ADAMTS18: variants seen among roughly 807,000 people sequenced by gnomAD.
The protein encoded by ADAMTS18 is ADAM metallopeptidase with thrombospondin type 1 motif 18.
ADAMTS18 carries 157 observed loss-of-function variants against 165.9 expected under a neutral mutation model. The ratio of observed to expected loss-of-function variants is 0.95; its 90% CI spans 0.83 to 1.08. The LOEUF (loss-of-function observed/expected upper bound fraction) is 1.08, where lower values mean the gene tolerates loss of function less well. Among genes scored for constraint, ADAMTS18 ranks in the 50% least tolerant of loss-of-function variants. The pLI, the probability that ADAMTS18 is intolerant of heterozygous loss-of-function variation, is 0.00. For synonymous variants in ADAMTS18, 782 were observed against 578.2 expected (o/e 1.35, Z -5.06); for missense variants, 2,040 against 1,534.0 (o/e 1.33, Z -5.51).
rs2044486904 is a variant in ADAMTS18 at position 77,321,085 on chromosome 16, C to T, written c.2281G>A (p.Ala761Thr). Residue 761 changes from alanine (A) to threonine (T), a missense_variant, in exon 15 of 23, where the codon GCA becomes ACA. Coordinates refer to ENST00000282849, the MANE Select transcript of ADAMTS18 (RefSeq NM_199355.4). ...AAACAGCAGCATCTCTCACCATTTG[C>T]TTTATGCTGGTTGAGGTACAGGCCT... ...YKGLYLNQHK[A>T]NEYYPVVLIP... is the part of the protein sequence containing the mutation. 6.2e-7 allele frequency: 1 copy of T among 1,614,174 alleles called. No individual in the cohort carries two copies. The highest frequency in any genetic ancestry group is 2.2e-5 in the East Asian group (1 of 44,872).
Position 77,434,961 on chromosome 16 carries a change from G to C in ADAMTS18, c.-266C>G, listed in dbSNP as rs2057779660. On this transcript the variant is annotated 5_prime_UTR_variant, in exon 1 of 23. Transcript: ENST00000282849. ...CGGGGGGCTCCCTGGGCCGGGACTGGAGCGCAAACGGTTGGGAGACTGTCG... is the reference window on the plus strand; with the variant it reads ...CGGGGGGCTCCCTGGGCCGGGACTGCAGCGCAAACGGTTGGGAGACTGTCG... 2 of 330,354 alleles carry C rather than the reference G, an allele frequency of 6.1e-6. No individual in the cohort carries two copies. Among genetic ancestry groups the C allele is most frequent in the Non-Finnish European group, 5.4e-6 (1 of 183,660 alleles). The allele number at this position is 330,354 out of a possible 1,614,324, so 20.5% of individuals were successfully genotyped here.
At chr16:77,343,289 G>C (rs771079199) in intron 10 of ADAMTS18, among the ~76,000 whole-genome samples, 4 of 152,160 alleles carry the variant, frequency 2.6e-5, no homozygotes, top group Non-Finnish European at 5.9e-5. Flanking sequence ...GGCCAGGCTG[G>C]TCTCGAACTC....
chr16:77,362,038 C>G, intron 7 of ADAMTS18, 67 bp downstream of exon 7: 31 of 1,546,886 alleles, frequency 2.0e-5, no homozygotes, highest in Non-Finnish European at 2.7e-5. Flanking sequence ...TATCCATCAT[C>G]CATAGAAAGT....
intron 17 of ADAMTS18, among the ~76,000 whole-genome samples, chr16:77,298,454 G>A (rs2055517579): frequency 6.6e-6 from 1 of 152,144 alleles, no homozygotes; most frequent in Non-Finnish European, 1.5e-5. Flanking sequence ...AGTTAGTCCA[G>A]CTCCTGGGGC....
intron 13 of ADAMTS18, among the ~76,000 whole-genome samples, chr16:77,325,421 G>A (rs776704665): frequency 8.6e-5 from 13 of 152,008 alleles, no homozygotes; most frequent in East Asian, 1.9e-4. Flanking sequence ...GTGTGTCTGC[G>A]TGCATGCACA....
intron 3 of ADAMTS18, among the ~76,000 whole-genome samples, chr16:77,408,566 A>T (rs1217496292): frequency 1.3e-5 from 2 of 152,174 alleles, no homozygotes; most frequent in Admixed American, 6.5e-5. Flanking sequence ...TATTATGAAC[A>T]TACTGTTGAG....
intron 3 of ADAMTS18, among the ~76,000 whole-genome samples, chr16:77,385,559 G>T (rs1010237352): frequency 1.3e-5 from 2 of 152,178 alleles, no homozygotes; most frequent in Non-Finnish European, 2.9e-5. Flanking sequence ...GTGGTAATGG[G>T]TTATGTCAAG....
intron 18 of ADAMTS18, among the ~76,000 whole-genome samples, chr16:77,296,144 T>A (rs2055467411): frequency 6.6e-6 from 1 of 152,158 alleles, no homozygotes; most frequent in South Asian, 2.1e-4. Context: ...GCAACACTGC[T>A]TTAGAAGAAA....
At chr16:77,357,384 G>C (rs574057161) in intron 8 of ADAMTS18, among the ~76,000 whole-genome samples, 1 of 152,206 alleles carries the variant, frequency 6.6e-6, no homozygotes, top group Non-Finnish European at 1.5e-5. Context: ...ATTGACTAAC[G>C]TCAATGTATA....
intron 11 of ADAMTS18, among the ~76,000 whole-genome samples, 158 bp downstream of exon 11, chr16:77,341,546 T>C (rs1239480378): frequency 6.6e-6 from 1 of 152,190 alleles, no homozygotes; most frequent in East Asian, 1.9e-4. Context: ...ATATTAGCAT[T>C]AAGCTTTGTA....
chr16:77,423,158 T>C (rs2057625605), intron 3 of ADAMTS18, among the ~76,000 whole-genome samples: 1 of 152,256 alleles, frequency 6.6e-6, no homozygotes, highest in African/African-American at 2.4e-5. Context: ...CCTCAGACGT[T>C]AACTACTTAT....
chr16:77,432,843 C>T (rs1176896518), intron 2 of ADAMTS18, among the ~76,000 whole-genome samples: 1 of 151,704 alleles, frequency 6.6e-6, no homozygotes, highest in Non-Finnish European at 1.5e-5. Flanking sequence ...CCTAATTAGG[C>T]TCACATTAAA....
intron 3 of ADAMTS18, among the ~76,000 whole-genome samples, chr16:77,424,165 T>C (rs1246341998): frequency 6.6e-6 from 1 of 151,542 alleles, no homozygotes; most frequent in East Asian, 1.9e-4. Context: ...TTAGTGGTCA[T>C]ACCCGAAAAG....
intron 3 of ADAMTS18, among the ~76,000 whole-genome samples, chr16:77,393,739 A>G (rs946666148): frequency 1.3e-5 from 2 of 152,190 alleles, no homozygotes; most frequent in Non-Finnish European, 2.9e-5. Context: ...TCTGCTGTTT[A>G]TAAGTTACCC....
intron 3 of ADAMTS18, among the ~76,000 whole-genome samples, chr16:77,401,457 C>A (rs1388632460): frequency 6.6e-6 from 1 of 152,280 alleles, no homozygotes; most frequent in South Asian, 2.1e-4. Context: ...AAGGAAGGCA[C>A]AGAACATTTA....
chr16:77,391,786 G>A (rs916680397), intron 3 of ADAMTS18, among the ~76,000 whole-genome samples: 1 of 152,142 alleles, frequency 6.6e-6, no homozygotes, highest in Admixed American at 6.5e-5. Context: ...TGTTAATGAA[G>A]GGGTCAGGCA....
At chr16:77,381,521 C>A (rs1211580574) in intron 3 of ADAMTS18, among the ~76,000 whole-genome samples, 1 of 151,862 alleles carries the variant, frequency 6.6e-6, no homozygotes, top group Non-Finnish European at 1.5e-5. Context: ...ATCAGAGAGT[C>A]GGCTGGGTGG....
At chr16:77,319,063 C>CT (rs767174044) in intron 16 of ADAMTS18, among the ~76,000 whole-genome samples, 2 of 151,792 alleles carry the variant, frequency 1.3e-5, no homozygotes, top group Non-Finnish European at 2.9e-5. Context: ...TTTTTTTTAC[C>CT]TTTTTTCCCT....
At chr16:77,336,477 T>A (rs1036016289) in intron 11 of ADAMTS18, among the ~76,000 whole-genome samples, 1 of 152,226 alleles carries the variant, frequency 6.6e-6, no homozygotes, top group African/African-American at 2.4e-5. Flanking sequence ...ATAGAGCATT[T>A]CTTACAAAGC....
Sources: allele counts gnomAD v4.1 joint callset (sites outside exome capture counted in the v4.1 genomes callset), GRCh38; gene constraint gnomAD v4.1.1; transcripts MANE v1.5; gene names NCBI Gene and HGNC (gene_info 2026-07-23, HGNC 2026-07-21).